PDE4D: variants seen among roughly 807,000 people sequenced by gnomAD.
The protein encoded by PDE4D is 3',5'-cyclic-AMP phosphodiesterase 4D.
A neutral mutation model predicts 87.4 loss-of-function variants in PDE4D; 24 were observed. The ratio of observed to expected loss-of-function variants is 0.27; its 90% CI spans 0.20 to 0.39. The LOEUF is 0.39. PDE4D is among the 10% of genes least tolerant of loss of function. The probability of loss-of-function intolerance (pLI) is 1.00; values close to 1 mark genes in which losing one functional copy is unlikely to be tolerated. For missense variants in PDE4D, 714 were observed against 1,041.0 expected, an observed-to-expected ratio of 0.69 and a Z score of 4.32; for synonymous variants, 384 against 383.2, an observed-to-expected ratio of 1.00 and a Z score of -0.02.
chr5:59,024,488 C>T (rs558658990), intron 6 of PDE4D, among the ~76,000 whole-genome samples: 139 of 152,238 alleles, frequency 9.1e-4, no homozygotes, highest in African/African-American at 2.4e-3. Flanking sequence ...TGAGGCACCA[C>T]GCCCGGCTGC....
Position 60,150,827 on chromosome 5 carries a change from AT to A in PDE4D, c.42+34729del, listed in dbSNP as rs1781440515. Among the ~76,000 whole-genome samples, 5 of 152,336 alleles carry A rather than the reference AT, an allele frequency of 3.3e-5. No homozygotes were observed. In the South Asian group the frequency reaches 1.0e-3, roughly 32 times the overall value. On this transcript the variant is annotated intron_variant, in intron 2 of 16. Transcript: ENST00000502484. The stretch of plus-strand genomic sequence containing the variant: ...AGGTTTGGAAATCTGTGAATACAGA[AT>A]AAAAGGTAACTAGGCAAACTCATGA...
chr5:59,547,625 A>T (rs570077874), intron 1 of PDE4D, among the ~76,000 whole-genome samples: 6 of 152,234 alleles, frequency 3.9e-5, no homozygotes. Context: ...TGGTCATCTG[A>T]TATTATAGGA....
chr5:60,067,531 ACT>A (rs1317744145), intron 2 of PDE4D, among the ~76,000 whole-genome samples: 1 of 152,124 alleles, frequency 6.6e-6, no homozygotes, highest in Non-Finnish European at 1.5e-5. Context: ...TTATAATACC[ACT>A]GTCTTTTTAT....
chr5:60,517,562 G>A (rs1750856352), intron 1 of PDE4D, among the ~76,000 whole-genome samples: 2 of 152,198 alleles, frequency 1.3e-5, no homozygotes, highest in African/African-American at 4.8e-5. Flanking sequence ...CTGCAGAGAG[G>A]AGCTACCCAC....
chr5:59,892,896 CCACACACACACA>C (rs70975348), intron 1 of PDE4D, among the ~76,000 whole-genome samples: 107 of 143,968 alleles, frequency 7.4e-4, no homozygotes, highest in East Asian at 3.8e-3. Flanking sequence ...AGCGCGCGCA[CCACACACACACA>C]CACACACACA....
intron 6 of PDE4D, among the ~76,000 whole-genome samples, chr5:59,006,542 A>G (rs1751658223): frequency 6.6e-6 from 1 of 152,118 alleles, no homozygotes; most frequent in African/African-American, 2.4e-5. Flanking sequence ...TGATTGCACC[A>G]CTGTACTCCA....
intron 1 of PDE4D, among the ~76,000 whole-genome samples, chr5:59,631,672 G>A (rs973283309): frequency 6.6e-6 from 1 of 152,136 alleles, no homozygotes; most frequent in Admixed American, 6.5e-5. Flanking sequence ...CTACCCAAGG[G>A]AAGTCATGAG....
chr5:59,877,479 T>TAAA (rs70975344), intron 1 of PDE4D, among the ~76,000 whole-genome samples: 41 of 102,234 alleles, frequency 4.0e-4, no homozygotes, highest in East Asian at 1.6e-3. Context: ...TGCCAGAACC[T>TAAA]AAAAAAAAAA....
At chr5:59,985,133 TTTTTGTTTTTTG>T (rs1762306378) in intron 3 of PDE4D, among the ~76,000 whole-genome samples, 1 of 112,254 alleles carries the variant, frequency 8.9e-6, no homozygotes, top group Non-Finnish European at 2.1e-5. Context: ...CGTTTTTTGT[TTTTTGTTTTTTG>T]TTTTTTATTT....
chr5:59,662,775 T>C (rs895377913), intron 1 of PDE4D, among the ~76,000 whole-genome samples: 4 of 152,186 alleles, frequency 2.6e-5, no homozygotes, highest in African/African-American at 9.7e-5. Context: ...GGGGTAAATA[T>C]TGAAGATGAG....
At chr5:59,030,502 G>A (rs868864773) in intron 6 of PDE4D, among the ~76,000 whole-genome samples, 2 of 151,028 alleles carry the variant, frequency 1.3e-5, no homozygotes, top group Middle Eastern at 7.1e-3. Flanking sequence ...TGCTTTGGGA[G>A]GCTGAGGCAG....
chr5:59,557,883 A>G (rs780139438), intron 1 of PDE4D, among the ~76,000 whole-genome samples: 8 of 152,224 alleles, frequency 5.3e-5, no homozygotes, highest in Non-Finnish European at 1.2e-4. Context: ...TATGGAAGGA[A>G]AAAGACCAGC....
At chr5:59,254,373 A>C (rs1760556009) in intron 1 of PDE4D, among the ~76,000 whole-genome samples, 1 of 152,026 alleles carries the variant, frequency 6.6e-6, no homozygotes, top group Non-Finnish European at 1.5e-5. Flanking sequence ...AGAAACACTA[A>C]TTTAGAGTAA....
intron 1 of PDE4D, among the ~76,000 whole-genome samples, chr5:59,410,049 C>T (rs1792377283): frequency 6.6e-6 from 1 of 152,182 alleles, no homozygotes; most frequent in Non-Finnish European, 1.5e-5. Flanking sequence ...TCATCTCAAG[C>T]ATTTATCATT....
chr5:59,384,663 G>A, intron 1 of PDE4D, among the ~76,000 whole-genome samples: 1 of 152,032 alleles, frequency 6.6e-6, no homozygotes, highest in Non-Finnish European at 1.5e-5. Flanking sequence ...TCAAAAAACA[G>A]TCTGCAAAAC....
intron 1 of PDE4D, among the ~76,000 whole-genome samples, chr5:59,354,820 G>C (rs1008029815): frequency 2.6e-5 from 4 of 152,170 alleles, no homozygotes; most frequent in African/African-American, 9.7e-5. Context: ...TATCAAATAG[G>C]CATTACTGGC....
At position 59,171,887 on chromosome 5, in the gene PDE4D, T is replaced by G. The variant is rs933583900; in HGVS notation, c.808+8708A>C. 2.0e-4 allele frequency among the ~76,000 whole-genome samples: 26 copies of G among 130,336 alleles called. 1 individual carries two copies. The highest frequency in any genetic ancestry group is 1.5e-3 in the South Asian group (7 of 4,588). The allele number at this position is 130,336 out of a possible 152,430, so 85.5% of individuals were successfully genotyped here. ...TATATTTATATGAGAAATATATTTATTATATAATAAGCATATATATGAGAA... is the reference window on the plus strand; with the variant it reads ...TATATTTATATGAGAAATATATTTAGTATATAATAAGCATATATATGAGAA... On this transcript the variant is annotated intron_variant, in intron 5 of 14. Coordinates refer to ENST00000340635, the MANE Select transcript of PDE4D (RefSeq NM_001104631.2).
At chr5:59,840,843 G>A (rs1348431128) in intron 1 of PDE4D, among the ~76,000 whole-genome samples, 1 of 152,072 alleles carries the variant, frequency 6.6e-6, no homozygotes, top group Non-Finnish European at 1.5e-5. Context: ...ACTGTCTGGT[G>A]TAGAAGGTAA....
intron 1 of PDE4D, among the ~76,000 whole-genome samples, chr5:59,756,419 C>A (rs1761222814): frequency 6.6e-6 from 1 of 151,620 alleles, no homozygotes; most frequent in African/African-American, 2.4e-5. Context: ...ATGTATTTGA[C>A]AAATTATTGT....
Sources: allele counts gnomAD v4.1 joint callset (sites outside exome capture counted in the v4.1 genomes callset), GRCh38; gene constraint gnomAD v4.1.1; transcripts MANE v1.5; gene names NCBI Gene and HGNC (gene_info 2026-07-23, HGNC 2026-07-21).